Variants in OR9Q1 observed in about 807,000 individuals in gnomAD.
OR9Q1 encodes the protein olfactory receptor 9Q1.
For synonymous variants in OR9Q1, 153 were observed against 148.6 expected, an observed-to-expected ratio of 1.03 and a Z score of -0.22; for missense variants, 374 against 378.8, an observed-to-expected ratio of 0.99 and a Z score of 0.11.
intron 2 of OR9Q1, among the ~76,000 whole-genome samples, chr11:58,158,952 A>T (rs1222914872): frequency 1.3e-5 from 2 of 152,212 alleles, no homozygotes; most frequent in African/African-American, 4.8e-5. Flanking sequence ...TTCACAAATA[A>T]GTAGTGCTTT....
intron 2 of OR9Q1, among the ~76,000 whole-genome samples, chr11:58,149,811 CAAT>C (rs777491852): frequency 1.3e-5 from 2 of 152,148 alleles, no homozygotes; most frequent in Admixed American, 6.5e-5. Flanking sequence ...TTTTATAAAT[CAAT>C]AATAATCTAT....
Position 58,096,704 on chromosome 11 carries a change from T to TG in OR9Q1, c.-15+40757_-15+40758insG, listed in dbSNP as rs1491310115. ...AATTTTATTTTTTTGAGACAGTCTC[T>TG]TTTTTTTTTTTTTTTTTGAGGTGGA... On this transcript the variant is annotated intron_variant, in intron 2 of 2. Transcript: ENST00000335397. 1.3e-3 allele frequency among the ~76,000 whole-genome samples: 30 copies of TG among 23,600 alleles called. No individual in the cohort carries two copies. The Middle Eastern group carries it at 0.11, about 87-fold the overall frequency. The allele number at this position is 23,600 out of a possible 152,430, so 15.5% of individuals were successfully genotyped here.
chr11:58,059,242 A>C (rs1590563489), intron 2 of OR9Q1, among the ~76,000 whole-genome samples: 1 of 152,318 alleles, frequency 6.6e-6, no homozygotes, highest in East Asian at 1.9e-4. Context: ...AGATGTGCTA[A>C]CGGCTTTGTT....
chr11:58,173,778 G>A (rs1232786593), intron 2 of OR9Q1, among the ~76,000 whole-genome samples: 1 of 152,222 alleles, frequency 6.6e-6, no homozygotes, highest in Non-Finnish European at 1.5e-5. Context: ...TGTGCCTGCC[G>A]TTCTTCCTGT....
chr11:58,127,870 A>C (rs1298256813), intron 2 of OR9Q1, among the ~76,000 whole-genome samples: 2 of 152,226 alleles, frequency 1.3e-5, no homozygotes, highest in African/African-American at 2.4e-5. Context: ...CCAATGTCCA[A>C]GACTGCAGCC....
intron 1 of OR9Q1, chr11:58,030,875 A>T: frequency 1.2e-6 from 1 of 863,634 alleles, no homozygotes; most frequent in Non-Finnish European, 1.9e-6. Flanking sequence ...TTAGTACAAC[A>T]TCCTCCAACC....
At chr11:58,083,700 A>G (rs914971901) in intron 2 of OR9Q1, among the ~76,000 whole-genome samples, 8 of 151,318 alleles carry the variant, frequency 5.3e-5, no homozygotes, top group Admixed American at 4.6e-4. Flanking sequence ...TCCCAGCACC[A>G]TTTATCGAAC....
intron 1 of OR9Q1, chr11:58,044,987 TAAAC>T (rs1853202494): frequency 6.6e-6 from 1 of 152,330 alleles, no homozygotes; most frequent in East Asian, 1.9e-4. Context: ...TGACTTGACA[TAAAC>T]AAACTTTGTT....
chr11:58,043,058 G>A (rs1197843903), intron 1 of OR9Q1, among the ~76,000 whole-genome samples: 4 of 152,090 alleles, frequency 2.6e-5, no homozygotes, highest in African/African-American at 7.2e-5. Context: ...TGAGACAATG[G>A]GGTTTTCTAG....
intron 2 of OR9Q1, among the ~76,000 whole-genome samples, chr11:58,123,627 G>C (rs1438283640): frequency 6.6e-6 from 1 of 152,158 alleles, no homozygotes; most frequent in Non-Finnish European, 1.5e-5. Context: ...AAGTTAAGAA[G>C]GTTGTCCAAC....
intron 2 of OR9Q1, among the ~76,000 whole-genome samples, chr11:58,056,510 C>T (rs2119983646): frequency 6.6e-6 from 1 of 152,218 alleles, no homozygotes; most frequent in Admixed American, 6.5e-5. Flanking sequence ...AAGAGTAATA[C>T]TTTATGATAT....
intron 2 of OR9Q1, among the ~76,000 whole-genome samples, chr11:58,099,060 A>G (rs1053487069): frequency 5.9e-5 from 9 of 151,896 alleles, no homozygotes; most frequent in African/African-American, 2.2e-4. Flanking sequence ...TTTGATTTCA[A>G]TCCTTTGTGA....
intron 2 of OR9Q1, among the ~76,000 whole-genome samples, chr11:58,092,860 T>C (rs2120068491): frequency 6.6e-6 from 1 of 152,336 alleles, no homozygotes; most frequent in East Asian, 1.9e-4. Flanking sequence ...GTGGATTCAA[T>C]ACTATTGTAG....
At chr11:58,061,461 T>C (rs569210562) in intron 2 of OR9Q1, among the ~76,000 whole-genome samples, 1 of 152,366 alleles carries the variant, frequency 6.6e-6, no homozygotes, top group East Asian at 1.9e-4. Context: ...TAACCTTTGT[T>C]ACCTTCGTTT....
chr11:58,140,094 G>A (rs1854231625), intron 2 of OR9Q1, among the ~76,000 whole-genome samples: 1 of 152,132 alleles, frequency 6.6e-6, no homozygotes, highest in Non-Finnish European at 1.5e-5. Flanking sequence ...CTTTCGAGAA[G>A]TGTCTGTTCA....
chr11:58,170,110 AATCTC>A (rs1247937388), intron 2 of OR9Q1, among the ~76,000 whole-genome samples: 3 of 152,078 alleles, frequency 2.0e-5, no homozygotes, highest in Non-Finnish European at 4.4e-5. Flanking sequence ...GGATGCAGAG[AATCTC>A]TAGATGGCTT....
chr11:58,162,338 A>G (rs1462313500), intron 2 of OR9Q1, among the ~76,000 whole-genome samples: 1 of 152,202 alleles, frequency 6.6e-6, no homozygotes, highest in Non-Finnish European at 1.5e-5. Context: ...TCGCTCTAAT[A>G]ATGGGTTTTC....
intron 2 of OR9Q1, among the ~76,000 whole-genome samples, chr11:58,083,378 T>C (rs969121103): frequency 3.9e-5 from 6 of 152,010 alleles, no homozygotes; most frequent in African/African-American, 1.4e-4. Flanking sequence ...CCTTTGTCGA[T>C]GTATATTTGT....
chr11:58,148,668 G>A (rs1854322217), intron 2 of OR9Q1, among the ~76,000 whole-genome samples: 1 of 152,082 alleles, frequency 6.6e-6, no homozygotes, highest in African/African-American at 2.4e-5. Context: ...TCCTGGTGAT[G>A]GAATTCAAAA....
Sources: allele counts gnomAD v4.1 joint callset (sites outside exome capture counted in the v4.1 genomes callset), GRCh38; gene constraint gnomAD v4.1.1; transcripts MANE v1.5; gene names NCBI Gene and HGNC (gene_info 2026-07-23, HGNC 2026-07-21).